DDX3X: variants seen among roughly 807,000 people sequenced by gnomAD.
DDX3X encodes the protein ATP-dependent RNA helicase DDX3X.
Under a neutral mutation model 52.7 loss-of-function variants are expected in DDX3X, and 4 were observed. The ratio of observed to expected loss-of-function variants is 0.08; its 90% CI spans 0.04 to 0.17. The LOEUF (loss-of-function observed/expected upper bound fraction) is 0.17. Ranked by LOEUF, DDX3X falls within the 10% of genes least tolerant of loss-of-function variation. The pLI is 1.00. For missense variants in DDX3X, 222 were observed against 548.6 expected (o/e 0.40, Z 5.95); for synonymous variants, 192 against 178.1 (o/e 1.08, Z -0.62).
intron 10 of DDX3X, among the ~76,000 whole-genome samples, chrX:41,344,752 T>A (rs1466553381): frequency 8.9e-6 from 1 of 112,463 alleles, no homozygotes; most frequent in Non-Finnish European, 1.9e-5. Context: ...ATGTTAATTT[T>A]TAAATGTATG....
At chrX:41,340,601 G>C (rs1212319862) in intron 3 of DDX3X, 9 of 265,189 alleles carry the variant, frequency 3.4e-5, no homozygotes, top group Non-Finnish European at 4.0e-5. Context: ...TCTATACTGA[G>C]AATATATAGT....
At chrX:41,340,521 T>C (rs2063835505) in intron 3 of DDX3X, 1 of 209,672 alleles carries the variant, frequency 4.8e-6, no homozygotes, top group Non-Finnish European at 8.6e-6. Context: ...ACCCTCTACC[T>C]GTCTTTGGGT....
At chrX:41,347,074 C>T (rs751913098) in intron 15 of DDX3X, 62 bp downstream of exon 15, 330 of 1,078,564 alleles carry the variant, frequency 3.1e-4, no homozygotes, top group Non-Finnish European at 3.9e-4. Context: ...ATAGTGTTTC[C>T]TCTGCATGCA....
chrX:41,346,741 C>T (rs1230279804), intron 14 of DDX3X, 118 bp from the exon 15 acceptor site: 12 of 954,736 alleles, frequency 1.3e-5, no homozygotes, highest in Non-Finnish European at 1.7e-5. Context: ...TTGCTCAAAG[C>T]ACTTGTTTAA....
chrX:41,336,624 G>C (rs2063773640), intron 1 of DDX3X: 1 of 111,479 alleles, frequency 9.0e-6, no homozygotes, highest in Non-Finnish European at 1.9e-5. Flanking sequence ...ACAAAAAGTA[G>C]CCTAGCGTGG....
intron 5 of DDX3X, among the ~76,000 whole-genome samples, chrX:41,357,082 C>T (rs781133284): frequency 1.9e-4 from 21 of 108,264 alleles, no homozygotes; most frequent in Middle Eastern, 4.6e-3. Context: ...TACAGGTGTG[C>T]GCCACCACAC....
At chrX:41,352,085 A>G (rs1051084583), downstream of DDX3X, among the ~76,000 whole-genome samples, 4 of 110,985 alleles carry the variant, frequency 3.6e-5, no homozygotes, top group African/African-American at 1.3e-4. Flanking sequence ...AAAAGTGGAA[A>G]CAAAAATGTC....
downstream of DDX3X, among the ~76,000 whole-genome samples, chrX:41,354,344 C>CTTTTTTTTTTTTTTTTTTTTTTT (rs60965317): frequency 2.9e-5 from 2 of 69,962 alleles, no homozygotes; most frequent in Non-Finnish European, 2.4e-5. Flanking sequence ...TGTGCTACCT[C>CTTTTTTTTTTTTTTTTTTTTTTT]TTTTTTTTTT....
intron 3 of DDX3X, chrX:41,340,902 C>T (rs189454414): frequency 5.4e-4 from 158 of 291,052 alleles, no homozygotes; most frequent in African/African-American, 4.0e-3. Context: ...TAATGCGTTA[C>T]AGGCAAAGCT....
In DDX3X at chrX:41,342,551, G is replaced by C; in HGVS notation, c.341G>C (p.Ser114Thr). ...YDGIGSRGDR[S>T]GFGKFERGGN... ...GGCATTGGCAGCCGTGGTGACAGAA[G>C]TGGCTTTGGCAAATTTGAACGTGGT... Residue 114 changes from serine (S) to threonine (T), a missense_variant, in exon 5 of 17, where the codon AGT becomes ACT. Ser to Thr is a moderately conservative substitution (Grantham distance 58, BLOSUM62 1). Around this residue, in one of 5 missense-constraint regions of DDX3X, gnomAD observed 93 missense variants for 123.7 expected, o/e 0.75. Transcript: ENST00000644876. 1.7e-6 allele frequency: 2 copies of C among 1,211,940 alleles called. No individual in the cohort carries two copies. The highest frequency in any genetic ancestry group is 2.2e-6 in the Non-Finnish European group (2 of 895,504).
Position 41,347,699 on chromosome X carries a change from G to C in DDX3X, c.1969G>C (p.Val657Leu), listed in dbSNP as rs2063945159. 5 of 1,195,405 alleles carry C rather than the reference G, an allele frequency of 4.2e-6. No homozygotes were observed. Among genetic ancestry groups the C allele is most frequent in the African/African-American group, 1.8e-5 (1 of 56,507 alleles). ...GYGGNYNSQG[V>L]DWWGN The stretch of plus-strand genomic sequence containing the variant: ...TGGAGGAAATTATAACTCCCAGGGG[G>C]TTGACTGGTGGGGTAACTGAGCCTG... Residue 657 changes from valine to leucine, a missense_variant, in exon 17 of 17, where the codon GTT becomes CTT. Physicochemically the swap from Val to Leu is conservative, Grantham distance 32. This residue lies in a region of DDX3X where 38 missense variants were observed against 52.0 expected (regional missense o/e 0.73). Transcript: ENST00000644876.
rs148616486 is a variant in DDX3X, at chrX:41,357,178, T to G, written c.655-7096T>G. ...TGAACCCCTGACCTCAGGTGATCTA[T>G]CCACCTCGGCTTCCCAAATTGCTGG... On this transcript the variant is annotated intron_variant, in intron 5 of 5. Coordinates refer to the DDX3X transcript ENST00000616050. Among the ~76,000 whole-genome samples, 65 of 110,217 alleles carry G rather than the reference T, an allele frequency of 5.9e-4. 3 individuals carry two copies. The East Asian group carries it at 0.018, about 30-fold the overall frequency.
At chrX:41,351,317 TGTG>T (rs758320555), downstream of DDX3X, 24 of 112,479 alleles carry the variant, frequency 2.1e-4, no homozygotes, top group African/African-American at 4.5e-4. Context: ...ACTACATTAA[TGTG>T]GTTTAATTTT....
intron 3 of DDX3X, chrX:41,340,936 C>T (rs1258990159): frequency 7.1e-6 from 2 of 281,078 alleles, no homozygotes; most frequent in Non-Finnish European, 1.2e-5. Flanking sequence ...AGGTAGTATT[C>T]ATTGAGAAAC....
chrX:41,346,752 A>G, intron 14 of DDX3X, 107 bp from the exon 15 acceptor site: 1 of 963,043 alleles, frequency 1.0e-6, no homozygotes, highest in Non-Finnish European at 1.4e-6. Context: ...ACTTGTTTAA[A>G]TATTACGTGG....
Position 41,344,472 on chromosome X carries a change from T to C in DDX3X, c.1025+73T>C, listed in dbSNP as rs766009615. ...TTTTGTTTTTGGCAGAGTTGCGCTCTTGTTGCCCAGGCTGGAGTGCCATGG... is the reference window on the plus strand; with the variant it reads ...TTTTGTTTTTGGCAGAGTTGCGCTCCTGTTGCCCAGGCTGGAGTGCCATGG... On this transcript the variant is annotated intron_variant, in intron 10 of 16. Coordinates refer to ENST00000644876, the MANE Select transcript of DDX3X (RefSeq NM_001356.5). 10 of 1,140,785 alleles carry C rather than the reference T, an allele frequency of 8.8e-6. No homozygotes were observed. In the South Asian group the frequency reaches 1.8e-4, roughly 21 times the overall value. The allele number at this position is 1,140,785 out of a possible 1,213,427, so 94.0% of individuals were successfully genotyped here.
chrX:41,343,430 G>A (rs1283336069), intron 7 of DDX3X, 79 bp downstream of exon 7: 9 of 968,298 alleles, frequency 9.3e-6, no homozygotes, highest in South Asian at 2.7e-5. Context: ...TTTTTTATGG[G>A]TCATGCAGTT....
At chrX:41,341,259 A>G in intron 3 of DDX3X, 1 of 309,382 alleles carries the variant, frequency 3.2e-6, no homozygotes, top group Non-Finnish European at 5.6e-6. Context: ...TGCTGGGATT[A>G]CAGGCGTGAG....
downstream of DDX3X, among the ~76,000 whole-genome samples, chrX:41,353,801 C>T (rs1458954283): frequency 3.7e-5 from 4 of 107,028 alleles, no homozygotes; most frequent in Non-Finnish European, 7.7e-5. Context: ...TCTATACACA[C>T]GCATACACAC....
Sources: allele counts gnomAD v4.1 joint callset (sites outside exome capture counted in the v4.1 genomes callset), GRCh38; gene constraint gnomAD v4.1.1; regional missense constraint gnomAD v4.1.1; transcripts MANE v1.5; gene names NCBI Gene and HGNC (gene_info 2026-07-23, HGNC 2026-07-21).